The following C6orf132 variants were observed in gnomAD, a reference collection of about 807,000 sequenced individuals.
C6orf132 encodes the protein chromosome 6 open reading frame 132, also known as uncharacterized protein C6orf132.
A neutral mutation model predicts 65.3 loss-of-function variants in C6orf132; 43 were observed. The ratio of observed to expected loss-of-function variants is 0.66; its 90% confidence interval spans 0.52 to 0.85. C6orf132 has a LOEUF of 0.85. C6orf132 is among the 40% of genes least tolerant of loss of function. The pLI, the probability that C6orf132 is intolerant of heterozygous loss-of-function variation, is 0.00. For missense variants in C6orf132, 1,488 were observed against 1,548.8 expected, an observed-to-expected ratio of 0.96 and a Z score of 0.66; for synonymous variants, 631 against 654.1, an observed-to-expected ratio of 0.96 and a Z score of 0.54.
At chr6:42,116,345 G>T (rs1766570613) in intron 2 of C6orf132, among the ~76,000 whole-genome samples, 1 of 152,156 alleles carries the variant, frequency 6.6e-6, no homozygotes, top group African/African-American at 2.4e-5. Context: ...GAGAGATTCA[G>T]TGACATGCCC....
chr6:42,112,091 G>A (rs926181590), intron 2 of C6orf132, among the ~76,000 whole-genome samples: 1 of 152,124 alleles, frequency 6.6e-6, no homozygotes, highest in Non-Finnish European at 1.5e-5. Context: ...AGCTGTACCT[G>A]TCATTCCCAC....
rs1223868963 is a variant in C6orf132 at position 42,105,276 on chromosome 6, G to A, written c.2636C>T (p.Ser879Phe). ...RDHSHQAEAS[S>F]DSIFHSQGTP... is the part of the protein sequence containing the mutation. The stretch of plus-strand genomic sequence containing the variant: ...GCCCTGGCTGTGGAAGATGCTGTCA[G>A]AGCTGGCCTCGGCTTGGTGGCTGTG... Residue 879 changes from serine to phenylalanine, a missense_variant, in exon 4 of 5, where the codon TCT becomes TTT. Coordinates refer to ENST00000341865, the MANE Select transcript of C6orf132 (RefSeq NM_001164446.3). 6 of 1,537,126 alleles carry A rather than the reference G, an allele frequency of 3.9e-6. No individual in the cohort carries two copies. The highest frequency in any genetic ancestry group is 5.2e-6 in the Non-Finnish European group (6 of 1,146,912).
chr6:42,142,216 C>T, intron 1 of C6orf132, 84 bp downstream of exon 1: 1 of 1,437,942 alleles, frequency 7.0e-7, no homozygotes, highest in Non-Finnish European at 9.3e-7. Flanking sequence ...CCCTCCCCTC[C>T]GCGCCTCCAG....
rs1252472031 is a variant in C6orf132 at position 42,105,127 on chromosome 6, G to T, written c.2785C>A (p.Leu929Met). Residue 929 changes from leucine to methionine, a missense_variant, in exon 4 of 5, where the codon CTG becomes ATG. Coordinates refer to ENST00000341865, the MANE Select transcript of C6orf132 (RefSeq NM_001164446.3). ...RLGRDAEGTE[L>M]SRRHNWTKPE... ...TTTGTCCAGTTGTGCCTGCGGCTCAGCTCTGTGCCCTCTGCGTCTCTTCCC... is the reference window on the plus strand; with the variant it reads ...TTTGTCCAGTTGTGCCTGCGGCTCATCTCTGTGCCCTCTGCGTCTCTTCCC... 2 of 1,536,900 alleles carry T rather than the reference G, an allele frequency of 1.3e-6. No individual in the cohort carries two copies. The highest frequency in any genetic ancestry group is 1.4e-5 in the African/African-American group (1 of 73,026).
At chr6:42,109,235 C>G (rs1280493066) in intron 3 of C6orf132, among the ~76,000 whole-genome samples, 2 of 152,018 alleles carry the variant, frequency 1.3e-5, no homozygotes, top group Non-Finnish European at 2.9e-5. Flanking sequence ...GAGATAGAGA[C>G]CATCCTGGCC....
intron 1 of C6orf132, among the ~76,000 whole-genome samples, chr6:42,134,446 GAGGCA>G (rs1391257661): frequency 6.6e-6 from 1 of 152,182 alleles, no homozygotes; most frequent in Non-Finnish European, 1.5e-5. Flanking sequence ...TTGGGAGGCT[GAGGCA>G]GGAGGATTAC....
intron 2 of C6orf132, among the ~76,000 whole-genome samples, chr6:42,126,005 G>A (rs1399159947): frequency 1.3e-5 from 2 of 152,126 alleles, no homozygotes; most frequent in Non-Finnish European, 2.9e-5. Flanking sequence ...AGATCTAGGC[G>A]AGGGGCAGGA....
At position 42,104,908 on chromosome 6, in the gene C6orf132, C is replaced by T. The variant is rs1332131134; in HGVS notation, c.3004G>A (p.Ala1002Thr). Residue 1002 changes from alanine (A) to threonine (T), a missense_variant, in exon 4 of 5, where the codon GCC becomes ACC. Transcript: ENST00000341865. This position sits in a 1 kb window ranked among gnomAD's most constrained non-coding sequence, Gnocchi z 4.1. ...FSNDPEPPAP[A>T]LQYLGRQSSP... is the part of the protein sequence containing the mutation. ...CTCTGGCGGCCCAGATACTGGAGGGCCGGGGCCGGGGGCTCAGGGTCATTG... is the reference window on the plus strand; with the variant it reads ...CTCTGGCGGCCCAGATACTGGAGGGTCGGGGCCGGGGGCTCAGGGTCATTG... The T allele has an allele frequency of 3.4e-6, 5 of 1,454,110 alleles. No homozygotes were observed. The South Asian group carries it at 4.2e-5, about 12-fold the overall frequency. 90.1% of individuals were successfully genotyped at this position (1,454,110 alleles called of 1,614,324 possible).
chr6:42,131,752 G>C (rs1169441248), intron 1 of C6orf132, among the ~76,000 whole-genome samples: 1 of 152,202 alleles, frequency 6.6e-6, no homozygotes, highest in African/African-American at 2.4e-5. Flanking sequence ...ACTCAGCCCT[G>C]ACTCTGAGCC....
chr6:42,118,550 A>G (rs1766621603), intron 2 of C6orf132, among the ~76,000 whole-genome samples: 2 of 152,188 alleles, frequency 1.3e-5, no homozygotes, highest in Admixed American at 6.5e-5. Context: ...CCCACATCGA[A>G]AGGGGCAGAC....
chr6:42,134,723 G>A (rs1367405552), intron 1 of C6orf132, among the ~76,000 whole-genome samples: 5 of 143,912 alleles, frequency 3.5e-5, no homozygotes, highest in African/African-American at 7.8e-5. Context: ...GCAGTGAGCC[G>A]AGATTGAGCC....
chr6:42,105,601 G>C lies in C6orf132; in HGVS notation c.2311C>G (p.Pro771Ala). The change falls in exon 4 of 5, where the codon CCC becomes GCC. Residue 771 changes from proline to alanine, a missense_variant. By Grantham distance (27) the Pro-to-Ala change is conservative. Coordinates refer to ENST00000341865, the MANE Select transcript of C6orf132 (RefSeq NM_001164446.3). ...GGGEVPCLYK[P>A]HCHQSSLSRE... ...CTGAGGCTGCTCTGGTGGCAGTGGG[G>C]CTTGTAGAGACATGGCACCTCTCCT... 1 of 1,536,930 alleles carries C rather than the reference G, an allele frequency of 6.5e-7. No homozygotes were observed. The highest frequency in any genetic ancestry group is 8.7e-7 in the Non-Finnish European group (1 of 1,146,924).
chr6:42,123,469 AAGG>A (rs1423845993), intron 2 of C6orf132, among the ~76,000 whole-genome samples: 57 of 119,196 alleles, frequency 4.8e-4, no homozygotes, highest in Non-Finnish European at 5.4e-4. Context: ...GAAGGAGAAG[AAGG>A]AGAAGGAGAA....
rs1766384702 is a variant in C6orf132 at position 42,105,500 on chromosome 6, C to T, written c.2412G>A (p.Lys804=). ...GCTTGGCTGGCAGCCCTGGGGGCTC[C>T]TTCACCTCCACGGGCTCCCCTGGCC... is the stretch of plus-strand genomic sequence containing the variant. ...AAGPGEPVEV[K]EPPGLPAKPP... is the part of the protein sequence containing the mutation. Residue 804 remains lysine (K), a synonymous_variant, in exon 4 of 5, where the codon AAG becomes AAA. Transcript: ENST00000341865. 2 of 1,533,034 alleles carry T rather than the reference C, an allele frequency of 1.3e-6. No individual in the cohort carries two copies. Among genetic ancestry groups the T allele is most frequent in the Non-Finnish European group, 1.7e-6 (2 of 1,144,682 alleles). 95.0% of individuals were successfully genotyped at this position (1,533,034 alleles called of 1,614,324 possible).
intron 2 of C6orf132, among the ~76,000 whole-genome samples, chr6:42,122,868 G>A (rs1766708330): frequency 6.6e-6 from 1 of 152,174 alleles, no homozygotes; most frequent in Non-Finnish European, 1.5e-5. Flanking sequence ...AGGCCTGTCT[G>A]ACTCAGAGGG....
intron 2 of C6orf132, among the ~76,000 whole-genome samples, chr6:42,125,505 G>A (rs1276227416): frequency 6.6e-6 from 1 of 152,154 alleles, no homozygotes; most frequent in East Asian, 1.9e-4. Context: ...CCTTTCCCCG[G>A]TTAGCCAGCA....
chr6:42,119,299 G>C (rs1379264996), intron 2 of C6orf132, among the ~76,000 whole-genome samples: 1 of 124,564 alleles, frequency 8.0e-6, no homozygotes, highest in Non-Finnish European at 1.7e-5. Context: ...GCCTCCCAAA[G>C]TTTGGTACTA....
chr6:42,107,089 T>C lies in C6orf132; in HGVS notation c.823A>G (p.Ser275Gly). 6.8e-7 allele frequency: 1 copy of C among 1,464,478 alleles called. No individual in the cohort carries two copies. The highest frequency in any genetic ancestry group is 9.0e-7 in the Non-Finnish European group (1 of 1,111,536). The allele number at this position is 1,464,478 out of a possible 1,614,324, so 90.7% of individuals were successfully genotyped here. A position where few individuals can be genotyped will look rare whatever the true frequency, so the allele number is the denominator to read the frequency against. Residue 275 changes from serine to glycine, a missense_variant, in exon 4 of 5, where the codon AGC (serine) becomes GGC (glycine). Ser to Gly is a moderately conservative substitution (Grantham distance 56, BLOSUM62 0). Coordinates refer to ENST00000341865, the MANE Select transcript of C6orf132 (RefSeq NM_001164446.3). ...NGRQAEATRA[S>G]PPRSPAEPKG... The stretch of plus-strand genomic sequence containing the variant: ...GGCTCAGCAGGGCTTCTCGGGGGGC[T>C]GGCTCTGGTGGCCTCTGCCTGCCTG...
chr6:42,122,978 T>C (rs927522187), intron 2 of C6orf132, among the ~76,000 whole-genome samples: 1 of 152,148 alleles, frequency 6.6e-6, no homozygotes, highest in Non-Finnish European at 1.5e-5. Flanking sequence ...TTTTAATTCC[T>C]CATATGCATC....
Sources: allele counts gnomAD v4.1 joint callset (sites outside exome capture counted in the v4.1 genomes callset), GRCh38; gene constraint gnomAD v4.1.1; non-coding constraint Gnocchi (gnomAD v3.1); transcripts MANE v1.5; gene names NCBI Gene and HGNC (gene_info 2026-07-23, HGNC 2026-07-21).